DPY19L1: variants seen among roughly 807,000 people sequenced by gnomAD.
DPY19L1 encodes the protein protein C-mannosyl-transferase DPY19L1.
Under a neutral mutation model 96.9 loss-of-function variants are expected in DPY19L1, and 35 were observed. That is an observed-to-expected ratio of 0.36 (90% confidence interval 0.28 to 0.48). DPY19L1 has a LOEUF of 0.48. DPY19L1 is among the 20% of genes least tolerant of loss of function. DPY19L1 has a pLI of 0.99. For missense variants in DPY19L1, 521 were observed against 777.9 expected (o/e 0.67, Z 3.93); for synonymous variants, 205 against 252.6 (o/e 0.81, Z 1.79).
At position 35,030,335 on chromosome 7, in the gene DPY19L1, C is replaced by T. The variant is rs190189575; in HGVS notation, c.298+6762G>A. ...CGCTCTTCTCAATTACAACAATCTC[C>T]CTAAACTAATAATTTGTCTAGGTAA... On this transcript the variant is annotated intron_variant, in intron 1 of 21. Transcript: ENST00000638088. Among the ~76,000 whole-genome samples the T allele has an allele frequency of 3.3e-4, 50 of 152,238 alleles. No homozygotes were observed. In the East Asian group the frequency reaches 5.8e-3, roughly 18 times the overall value.
intron 7 of DPY19L1, among the ~76,000 whole-genome samples, chr7:34,973,980 A>C (rs1270074121): frequency 1.3e-5 from 2 of 152,202 alleles, no homozygotes; most frequent in African/African-American, 2.4e-5. Context: ...AATTTCAGCA[A>C]AACTATCCAT....
intron 3 of DPY19L1, among the ~76,000 whole-genome samples, chr7:35,014,837 C>T (rs62463588): frequency 0.2 from 29,832 of 151,980 alleles, 3,301 homozygotes; most frequent in Admixed American, 0.35. Flanking sequence ...AACTGATGTA[C>T]CTACATAAAG....
chr7:34,980,041 A>G (rs533004617), intron 7 of DPY19L1, among the ~76,000 whole-genome samples: 1 of 152,278 alleles, frequency 6.6e-6, no homozygotes, highest in South Asian at 2.1e-4. Context: ...GCAGTGTGAT[A>G]CTGGCTTGAA....
Position 34,941,739 on chromosome 7 carries a change from A to G in DPY19L1, c.1689+26T>C, listed in dbSNP as rs1296912003. 3.8e-6 allele frequency: 6 copies of G among 1,599,120 alleles called. No individual in the cohort carries two copies. The East Asian group carries it at 6.7e-5, about 18-fold the overall frequency. ...TAATAAAGGCTAAAATTATCATAGT[A>G]GCTATACTCCAACATAACATGTTAC... On this transcript the variant is annotated intron_variant, in intron 18 of 21. Transcript: ENST00000638088.
intron 7 of DPY19L1, among the ~76,000 whole-genome samples, chr7:34,975,177 T>C (rs1784806008): frequency 6.6e-6 from 1 of 152,158 alleles, no homozygotes. Context: ...CTAGAAATGA[T>C]TAAACTTAGA....
chr7:34,972,945 C>A (rs1166021263), intron 8 of DPY19L1, among the ~76,000 whole-genome samples: 38 of 152,284 alleles, frequency 2.5e-4, no homozygotes, highest in East Asian at 3.9e-4. Flanking sequence ...GGCATAACAG[C>A]CTTCAACAAA....
At chr7:34,979,224 ATTC>A (rs1784890098) in intron 7 of DPY19L1, among the ~76,000 whole-genome samples, 1 of 152,148 alleles carries the variant, frequency 6.6e-6, no homozygotes, top group South Asian at 2.1e-4. Context: ...ACCATTGCTT[ATTC>A]ATCTAAAATA....
intron 10 of DPY19L1, among the ~76,000 whole-genome samples, chr7:34,961,915 C>T (rs1441554359): frequency 6.6e-6 from 1 of 152,176 alleles, no homozygotes; most frequent in African/African-American, 2.4e-5. Flanking sequence ...CATTACACAT[C>T]TACTGGATGC....
At chr7:34,992,920 G>A (rs1451760916) in intron 6 of DPY19L1, among the ~76,000 whole-genome samples, 1 of 152,102 alleles carries the variant, frequency 6.6e-6, no homozygotes, top group African/African-American at 2.4e-5. Flanking sequence ...TGCTAAAAAT[G>A]TCTCTGCCTC....
At chr7:35,027,779 AG>A (rs1169087218) in intron 1 of DPY19L1, among the ~76,000 whole-genome samples, 2 of 151,948 alleles carry the variant, frequency 1.3e-5, no homozygotes, top group Admixed American at 6.6e-5. Context: ...CAGAGGTTGC[AG>A]TGAGCCAAAA....
chr7:35,024,923 G>A (rs1408365338), intron 1 of DPY19L1, among the ~76,000 whole-genome samples: 7 of 152,172 alleles, frequency 4.6e-5, no homozygotes, highest in East Asian at 3.9e-4. Flanking sequence ...TGAGTTAAAC[G>A]GTTACATTAC....
At chr7:34,987,511 T>C (rs1360454296) in intron 7 of DPY19L1, among the ~76,000 whole-genome samples, 4 of 152,132 alleles carry the variant, frequency 2.6e-5, no homozygotes. Context: ...ACCTATGCTA[T>C]CTTCACATGT....
chr7:34,948,489 T>A (rs1584209117), intron 14 of DPY19L1, among the ~76,000 whole-genome samples: 1 of 152,124 alleles, frequency 6.6e-6, no homozygotes, highest in African/African-American at 2.4e-5. Context: ...TACAGCACAG[T>A]CCCTATGAAT....
intron 3 of DPY19L1, 72 bp from the exon 4 acceptor site, chr7:35,013,777 C>G: frequency 7.9e-7 from 1 of 1,263,176 alleles, no homozygotes; most frequent in Non-Finnish European, 1.1e-6. Flanking sequence ...AGTAAATACA[C>G]TGTTTTTGAA....
Position 34,989,887 on chromosome 7 carries a change from T to C in DPY19L1, c.819A>G (p.Gly273=). ...AGAATAGTTTTTGATTACCTACCTCTCCATGATTGAAAAAGAAGCACAACA... is the reference window on the plus strand; with the variant it reads ...AGAATAGTTTTTGATTACCTACCTCCCCATGATTGAAAAAGAAGCACAACA... The part of the protein sequence containing the change: ...VTVLCFFFNH[G]ECTRVMWTPP... Residue 273 remains glycine (G), a synonymous_variant, in exon 7 of 22, where the codon GGA becomes GGG. Coordinates refer to ENST00000638088, the MANE Select transcript of DPY19L1 (RefSeq NM_001366673.1). 3 of 1,600,624 alleles carry C rather than the reference T, an allele frequency of 1.9e-6. No homozygotes were observed. The highest frequency in any genetic ancestry group is 2.6e-6 in the Non-Finnish European group (3 of 1,175,310).
At chr7:35,037,488 C>CGGGCGGGCGGGCGGAGGG, upstream of DPY19L1, 1 of 298,598 alleles carries the variant, frequency 3.3e-6, no homozygotes, top group Non-Finnish European at 6.2e-6. Flanking sequence ...CACTCTCCAG[C>CGGGCGGGCGGGCGGAGGG]GGGCGGGCGG....
chr7:35,025,599 G>A lies in DPY19L1; in HGVS notation c.299-7003C>T, dbSNP rs144269423. ...AGCCAGAAAAGACAAATACAATACA[G>A]CCAGATATTGGACTTGGATAAAAGA... On this transcript the variant is annotated intron_variant, in intron 1 of 21. Coordinates refer to ENST00000638088, the MANE Select transcript of DPY19L1 (RefSeq NM_001366673.1). 2.7e-4 allele frequency among the ~76,000 whole-genome samples: 41 copies of A among 152,234 alleles called. 1 individual carries two copies. The East Asian group carries it at 7.5e-3, about 28-fold the overall frequency.
At chr7:35,034,092 T>C (rs1332955234) in intron 1 of DPY19L1, among the ~76,000 whole-genome samples, 1 of 152,128 alleles carries the variant, frequency 6.6e-6, no homozygotes, top group Non-Finnish European at 1.5e-5. Flanking sequence ...GCAATGGGAA[T>C]GAGTCAAACA....
intron 10 of DPY19L1, among the ~76,000 whole-genome samples, chr7:34,966,523 G>A (rs1361435244): frequency 3.9e-5 from 6 of 152,080 alleles, no homozygotes; most frequent in East Asian, 1.9e-4. Flanking sequence ...AACTCCTGGC[G>A]TCAAGTGAAC....
Sources: allele counts gnomAD v4.1 joint callset (sites outside exome capture counted in the v4.1 genomes callset), GRCh38; gene constraint gnomAD v4.1.1; transcripts MANE v1.5; gene names NCBI Gene and HGNC (gene_info 2026-07-23, HGNC 2026-07-21).